The following PXDNL variants were observed in gnomAD, a reference collection of about 807,000 sequenced individuals.
The protein encoded by PXDNL is probable oxidoreductase PXDNL.
In PXDNL, 145 loss-of-function variants were observed where a neutral mutation model predicts 150.8. The ratio of observed to expected loss-of-function variants is 0.96; its 90% confidence interval spans 0.84 to 1.10. The LOEUF (loss-of-function observed/expected upper bound fraction) is 1.10. Among genes scored for constraint, PXDNL ranks in the 50% least tolerant of loss-of-function variants. PXDNL has a pLI of 0.00. For synonymous variants in PXDNL, 757 were observed against 725.7 expected (o/e 1.04, Z -0.69); for missense variants, 2,087 against 1,873.9 (o/e 1.11, Z -2.10).
intron 20 of PXDNL, among the ~76,000 whole-genome samples, chr8:51,340,698 T>A (rs1291150157): frequency 1.3e-5 from 2 of 152,094 alleles, no homozygotes. Flanking sequence ...CAAAGAAAAA[T>A]AACAAAAGTT....
chr8:51,358,860 C>A (rs973076434), intron 19 of PXDNL, among the ~76,000 whole-genome samples: 12 of 152,212 alleles, frequency 7.9e-5, no homozygotes, highest in Admixed American at 7.2e-4. Context: ...AAATGCAGCA[C>A]ACAATCCTCC....
chr8:51,401,244 A>G lies in PXDNL; in HGVS notation c.3557+6823T>C, dbSNP rs190686909. On this transcript the variant is annotated intron_variant, in intron 17 of 22. Transcript: ENST00000356297. ...TGGTCTAATTGTACAATACCCTTAT[A>G]AAAGTATTGTTTAGAAAAAAAATGT... 1.6e-4 allele frequency among the ~76,000 whole-genome samples: 24 copies of G among 152,312 alleles called. No homozygotes were observed. The East Asian group carries it at 4.4e-3, about 28-fold the overall frequency.
chr8:51,577,972 AAAGAAAGAAAGAAAGAAAGAAAGAAAG>A (rs1585593414), intron 3 of PXDNL, among the ~76,000 whole-genome samples: 7 of 107,044 alleles, frequency 6.5e-5, no homozygotes, highest in South Asian at 3.3e-4. Flanking sequence ...AGAAAGAAAG[AAAGAAAGAAAGAAAGAAAGAAAGAAAG>A]AGGAAGGAAG....
chr8:51,347,902 T>TAA (rs150529389), intron 19 of PXDNL, among the ~76,000 whole-genome samples: 13 of 148,984 alleles, frequency 8.7e-5, no homozygotes, highest in Non-Finnish European at 1.5e-4. Flanking sequence ...CAGCTCTGAG[T>TAA]AAAAAAAAAA....
At chr8:51,779,039 A>T (rs777581059) in intron 1 of PXDNL, among the ~76,000 whole-genome samples, 4 of 152,224 alleles carry the variant, frequency 2.6e-5, no homozygotes, top group Non-Finnish European at 5.9e-5. Context: ...TCATAGGATT[A>T]TGAAACACTA....
intron 5 of PXDNL, among the ~76,000 whole-genome samples, chr8:51,499,455 T>A (rs566340172): frequency 5.9e-5 from 9 of 152,300 alleles, no homozygotes; most frequent in South Asian, 4.1e-4. Context: ...TTTAAATAGC[T>A]TTCTCTCATT....
chr8:51,518,921 G>A (rs949814383), intron 4 of PXDNL, among the ~76,000 whole-genome samples: 1 of 151,848 alleles, frequency 6.6e-6, no homozygotes, highest in Admixed American at 6.6e-5. Context: ...AGGGGTGGGA[G>A]GAAGGAAATA....
chr8:51,596,820 C>T (rs999682587), intron 2 of PXDNL, among the ~76,000 whole-genome samples: 1 of 151,978 alleles, frequency 6.6e-6, no homozygotes, highest in Admixed American at 6.6e-5. Context: ...TTATCGGATG[C>T]ACAGTTTGTA....
intron 5 of PXDNL, among the ~76,000 whole-genome samples, chr8:51,488,485 A>T (rs1466935814): frequency 1.3e-5 from 2 of 152,262 alleles, no homozygotes; most frequent in Non-Finnish European, 2.9e-5. Flanking sequence ...TGTTATTGAC[A>T]TACTGATAGA....
rs755904480 is a variant in PXDNL, at chr8:51,409,239, G to A, written c.2385C>T (p.Pro795=). Residue 795 remains proline (P), a synonymous_variant, in exon 17 of 23, where the codon CCC becomes CCT. Coordinates refer to ENST00000356297, the MANE Select transcript of PXDNL (RefSeq NM_144651.5). ...TGAGCATGCGCGTGTAGCTGTGGTC[G>A]GGGGTGACGGCCGCCGCGCGCGCCC... ...TVWARAAAVT[P]DHSYTRMLMH... 6 of 1,525,218 alleles carry A rather than the reference G, an allele frequency of 3.9e-6. No homozygotes were observed. Among genetic ancestry groups the A allele is most frequent in the Non-Finnish European group, 4.4e-6 (5 of 1,140,694 alleles). 94.5% of individuals were successfully genotyped at this position (1,525,218 alleles called of 1,614,324 possible).
intron 1 of PXDNL, among the ~76,000 whole-genome samples, chr8:51,744,436 G>A (rs2036952637): frequency 6.6e-6 from 1 of 151,146 alleles, no homozygotes; most frequent in African/African-American, 2.4e-5. Context: ...GGGAGGCCGA[G>A]GTGGATAGAT....
chr8:51,642,529 A>T (rs911462731), intron 2 of PXDNL, among the ~76,000 whole-genome samples: 4 of 152,166 alleles, frequency 2.6e-5, no homozygotes, highest in African/African-American at 9.7e-5. Context: ...TTAGGTATTG[A>T]TTGGACATAT....
At chr8:51,741,811 A>G (rs147613738) in intron 1 of PXDNL, among the ~76,000 whole-genome samples, 7 of 152,348 alleles carry the variant, frequency 4.6e-5, no homozygotes, top group East Asian at 3.9e-4. Flanking sequence ...AAATATCACA[A>G]TTCTGGAAAA....
Position 51,548,723 on chromosome 8 carries a change from C to T in PXDNL, c.380+8117G>A, listed in dbSNP as rs573614197. ...CTCAAAGTACACCAAAATAGAACCT[C>T]TGTAAAGCACAAATCTCATAGGACC... is the stretch of plus-strand genomic sequence containing the variant. On this transcript the variant is annotated intron_variant, in intron 4 of 22. Transcript: ENST00000356297. Among the ~76,000 whole-genome samples, 13 of 152,254 alleles carry T rather than the reference C, an allele frequency of 8.5e-5. No individual in the cohort carries two copies. The South Asian group carries it at 2.3e-3, about 27-fold the overall frequency.
At chr8:51,388,088 A>G in intron 17 of PXDNL, among the ~76,000 whole-genome samples, 1 of 152,156 alleles carries the variant, frequency 6.6e-6, no homozygotes, top group East Asian at 1.9e-4. Context: ...ATATTCCATA[A>G]TACTGTATAA....
intron 2 of PXDNL, among the ~76,000 whole-genome samples, chr8:51,642,794 C>A (rs1449455226): frequency 6.6e-6 from 1 of 152,194 alleles, no homozygotes; most frequent in Non-Finnish European, 1.5e-5. Flanking sequence ...TAGAAAACCC[C>A]ATTGTCTCAG....
intron 17 of PXDNL, among the ~76,000 whole-genome samples, chr8:51,393,403 GTGAGAAGGAAA>G (rs1350443611): frequency 1.3e-5 from 2 of 152,226 alleles, no homozygotes; most frequent in Non-Finnish European, 2.9e-5. Context: ...AGGCTCCACA[GTGAGAAGGAAA>G]TGAAGAGAGC....
At chr8:51,486,957 G>C (rs1035885948) in intron 5 of PXDNL, among the ~76,000 whole-genome samples, 1 of 151,056 alleles carries the variant, frequency 6.6e-6, no homozygotes, top group African/African-American at 2.4e-5. Context: ...ACCCCGCCCA[G>C]CTAATTTTTT....
At chr8:51,588,931 T>A (rs552508407) in intron 3 of PXDNL, among the ~76,000 whole-genome samples, 76 of 152,274 alleles carry the variant, frequency 5.0e-4, no homozygotes, top group African/African-American at 1.6e-3. Context: ...TAATATTCCA[T>A]CCAAAATTCA....
Sources: gnomAD v4.1 joint callset for allele counts (sites outside exome capture counted in the v4.1 genomes callset) on GRCh38, gnomAD v4.1.1 for gene constraint, MANE v1.5 for transcripts, NCBI Gene and HGNC (gene_info 2026-07-23, HGNC 2026-07-21) for gene names.